Variants in ATP1B3 observed in about 807,000 individuals in gnomAD.
ATP1B3 encodes ATPase Na+/K+ transporting subunit beta 3.
In ATP1B3, 10 loss-of-function variants were observed where a neutral mutation model predicts 30.2. The observed-to-expected ratio is 0.33, with a 90% CI of 0.20 to 0.56. The LOEUF is 0.56. Among genes scored for constraint, ATP1B3 ranks in the 20% least tolerant of loss-of-function variants. The probability of loss-of-function intolerance (pLI) is 0.90; values close to 1 mark genes in which losing one functional copy is unlikely to be tolerated. For missense variants in ATP1B3, 238 were observed against 336.7 expected, an observed-to-expected ratio of 0.71 and a Z score of 2.29; for synonymous variants, 113 against 117.0, an observed-to-expected ratio of 0.97 and a Z score of 0.22.
At position 141,876,787 on chromosome 3, in the gene ATP1B3, G is replaced by C. The variant is rs371057028; in HGVS notation, c.-15G>C. Reference sequence around the variant, plus strand: ...CCCCGCGGCCGCAGCTCCTCTCGCCGTCCGCGCGCACACCATGACGAAGAA... The same window carrying C: ...CCCCGCGGCCGCAGCTCCTCTCGCCCTCCGCGCGCACACCATGACGAAGAA... On this transcript the variant is annotated 5_prime_UTR_variant, in exon 1 of 7. Coordinates refer to ENST00000286371, the MANE Select transcript of ATP1B3 (RefSeq NM_001679.4). The C allele has an allele frequency of 6.3e-7, 1 of 1,585,822 alleles. No homozygotes were observed. Among genetic ancestry groups the C allele is most frequent in the Non-Finnish European group, 8.6e-7 (1 of 1,164,706 alleles).
chr3:141,915,922 T>C (rs1012564071), intron 4 of ATP1B3, 48 bp from the exon 5 acceptor site: 11 of 1,487,666 alleles, frequency 7.4e-6, no homozygotes, highest in Non-Finnish European at 1.0e-5. Context: ...GGAAGTTCCA[T>C]TGCATACTTA....
At chr3:141,878,885 G>C (rs1337076660) in intron 1 of ATP1B3, among the ~76,000 whole-genome samples, 1 of 152,184 alleles carries the variant, frequency 6.6e-6, no homozygotes, top group Non-Finnish European at 1.5e-5. Context: ...TGAGGGAGTC[G>C]TGAGAGGAGG....
chr3:141,881,621 C>T (rs1337737928), intron 1 of ATP1B3, among the ~76,000 whole-genome samples: 1 of 152,122 alleles, frequency 6.6e-6, no homozygotes, highest in Non-Finnish European at 1.5e-5. Flanking sequence ...TGGAGTGTGC[C>T]ATTAACCCAT....
At chr3:141,916,130 C>A in intron 5 of ATP1B3, 110 bp downstream of exon 5, 1 of 858,532 alleles carries the variant, frequency 1.2e-6, no homozygotes, top group Non-Finnish European at 1.8e-6. Flanking sequence ...TTTTAAAGTC[C>A]TTTGTAGTGC....
chr3:141,888,037 T>G (rs773677210), intron 1 of ATP1B3, among the ~76,000 whole-genome samples: 1 of 152,380 alleles, frequency 6.6e-6, no homozygotes, highest in East Asian at 1.9e-4. Context: ...ATTGGAGATT[T>G]GTGTATTTCA....
At chr3:141,908,976 T>C (rs1051262016) in intron 3 of ATP1B3, among the ~76,000 whole-genome samples, 2 of 152,220 alleles carry the variant, frequency 1.3e-5, no homozygotes, top group African/African-American at 4.8e-5. Flanking sequence ...GCTTTGGATC[T>C]CATCCTCTCT....
intron 1 of ATP1B3, among the ~76,000 whole-genome samples, chr3:141,889,807 A>G (rs1361991081): frequency 6.9e-6 from 1 of 145,886 alleles, no homozygotes; most frequent in Non-Finnish European, 1.5e-5. Flanking sequence ...GTATATCTAC[A>G]TATATGTGTG....
chr3:141,913,974 A>G (rs2288635), intron 4 of ATP1B3, 138 bp downstream of exon 4: 85,220 of 775,586 alleles, frequency 0.11, 5,430 homozygotes, highest in East Asian at 0.18. Context: ...TGCTTTAAAG[A>G]CTAGCAGTAA....
At chr3:141,908,182 A>G (rs1934296616) in intron 3 of ATP1B3, among the ~76,000 whole-genome samples, 1 of 150,756 alleles carries the variant, frequency 6.6e-6, no homozygotes, top group South Asian at 2.1e-4. Flanking sequence ...TTATTATTTT[A>G]AAGTTATGTC....
chr3:141,877,346 G>A (rs1308126457), intron 1 of ATP1B3, among the ~76,000 whole-genome samples: 1 of 152,156 alleles, frequency 6.6e-6, no homozygotes, highest in Non-Finnish European at 1.5e-5. Context: ...GCGGTTCGGA[G>A]AAGCCAGACC....
chr3:141,915,771 AATAAG>A (rs1934451681), intron 4 of ATP1B3, among the ~76,000 whole-genome samples, 194 bp from the exon 5 acceptor site: 2 of 152,196 alleles, frequency 1.3e-5, no homozygotes, highest in Non-Finnish European at 2.9e-5. Flanking sequence ...CCAGTACAGT[AATAAG>A]ATATCTGATT....
At position 141,903,878 on chromosome 3, in the gene ATP1B3, T is replaced by G. The variant is rs1934214238; in HGVS notation, c.238+130T>G. On this transcript the variant is annotated intron_variant, in intron 2 of 6. Transcript: ENST00000286371. ...GTCACTGCAACCTCTGCCTCCCAGGTTCAAGCGATTCTCCTGCCTCCTCAG... is the reference window on the plus strand; with the variant it reads ...GTCACTGCAACCTCTGCCTCCCAGGGTCAAGCGATTCTCCTGCCTCCTCAG... 6 of 1,058,450 alleles carry G rather than the reference T, an allele frequency of 5.7e-6. No individual in the cohort carries two copies. In the African/African-American group the frequency reaches 6.5e-5, roughly 11 times the overall value. The allele number at this position is 1,058,450 out of a possible 1,614,324, so 65.6% of individuals were successfully genotyped here.
Position 141,913,715 on chromosome 3 carries a change from A to G in ATP1B3, c.410A>G (p.Lys137Arg), listed in dbSNP as rs760225782. 5.6e-6 allele frequency: 9 copies of G among 1,613,704 alleles called. No individual in the cohort carries two copies. Among genetic ancestry groups the G allele is most frequent in the Non-Finnish European group, 6.8e-6 (8 of 1,179,984 alleles). ...CCTGATGGAGCACTTTTTGAACAGA[A>G]GGGTCCAGTTTATGTTGCATGTCAG... ...VCPDGALFEQ[K>R]GPVYVACQFP... is the part of the protein sequence containing the mutation. The change falls in exon 4 of 7, where the codon AAG (lysine) becomes AGG (arginine). Residue 137 changes from lysine to arginine, a missense_variant. Transcript: ENST00000286371.
chr3:141,877,182 C>T (rs933466202), intron 1 of ATP1B3, among the ~76,000 whole-genome samples: 2 of 151,340 alleles, frequency 1.3e-5, no homozygotes, highest in Non-Finnish European at 3.0e-5. Flanking sequence ...GCGGGGCGCA[C>T]GTGCTGCCCG....
chr3:141,880,520 A>G (rs1933701712), intron 1 of ATP1B3, among the ~76,000 whole-genome samples: 1 of 152,204 alleles, frequency 6.6e-6, no homozygotes, highest in Non-Finnish European at 1.5e-5. Context: ...AGTTCATTGA[A>G]TACAATTAGA....
At chr3:141,897,167 G>A (rs1266832812) in intron 1 of ATP1B3, among the ~76,000 whole-genome samples, 1 of 152,158 alleles carries the variant, frequency 6.6e-6, no homozygotes, top group African/African-American at 2.4e-5. Context: ...GACTGCTCCT[G>A]CTGTGGTACT....
At chr3:141,910,822 C>G (rs1427209134) in intron 3 of ATP1B3, among the ~76,000 whole-genome samples, 1 of 143,476 alleles carries the variant, frequency 7.0e-6, no homozygotes. Context: ...TTAATTTACT[C>G]CTTAGTTTTG....
chr3:141,913,648 T>C lies in ATP1B3; in HGVS notation c.347-4T>C. ...TCTAGCACACATATATGTTTCCTTT[T>C]TAGCATATACTTTAGAAGAACAGAA... On this transcript the variant is annotated splice_region_variant and splice_polypyrimidine_tract_variant and intron_variant, in intron 3 of 6. Coordinates refer to ENST00000286371, the MANE Select transcript of ATP1B3 (RefSeq NM_001679.4). 2.5e-6 allele frequency: 4 copies of C among 1,607,032 alleles called. No homozygotes were observed. The highest frequency in any genetic ancestry group is 2.5e-6 in the Non-Finnish European group (3 of 1,177,990).
chr3:141,888,741 G>A (rs1933881341), intron 1 of ATP1B3, among the ~76,000 whole-genome samples: 1 of 152,034 alleles, frequency 6.6e-6, no homozygotes, highest in Non-Finnish European at 1.5e-5. Flanking sequence ...TGCTCTTCTT[G>A]AGATAGTGAG....
Sources: allele counts gnomAD v4.1 joint callset (sites outside exome capture counted in the v4.1 genomes callset), GRCh38; gene constraint gnomAD v4.1.1; transcripts MANE v1.5; gene names NCBI Gene and HGNC (gene_info 2026-07-23, HGNC 2026-07-21).